SMCO2: variants seen among roughly 807,000 people sequenced by gnomAD.
SMCO2 encodes the protein single-pass membrane protein with coiled-coil domains 2.
A neutral mutation model predicts 29.5 loss-of-function variants in SMCO2; 25 were observed. That is an observed-to-expected ratio of 0.85 (90% confidence interval 0.62 to 1.18). The LOEUF (loss-of-function observed/expected upper bound fraction) is 1.18. Among genes scored for constraint, SMCO2 ranks in the 50% most tolerant of loss-of-function variants. SMCO2 has a pLI of 0.00. For missense variants in SMCO2, 348 were observed against 344.5 expected, an observed-to-expected ratio of 1.01 and a Z score of -0.08; for synonymous variants, 117 against 123.3, an observed-to-expected ratio of 0.95 and a Z score of 0.34.
intron 4 of SMCO2, among the ~76,000 whole-genome samples, chr12:27,485,859 A>G (rs1487559490): frequency 6.6e-6 from 1 of 152,176 alleles, no homozygotes; most frequent in African/African-American, 2.4e-5. Context: ...TTCTGGAGAC[A>G]TTTGTGTGTA....
At chr12:27,435,358 G>A in the SMCO2 span, among the ~76,000 whole-genome samples, 1 of 140,440 alleles carries the variant, frequency 7.1e-6, no homozygotes, top group African/African-American at 2.7e-5. Context: ...CTCTGGGAGG[G>A]TGGGGTGCAA....
At chr12:27,488,956 G>C (rs554366777) in intron 5 of SMCO2, among the ~76,000 whole-genome samples, 1 of 152,164 alleles carries the variant, frequency 6.6e-6, no homozygotes. Flanking sequence ...AAGAGTTCTT[G>C]TGTTGGTTTT....
chr12:27,467,257 A>T (rs1330316648), intron 1 of SMCO2, among the ~76,000 whole-genome samples: 1 of 152,090 alleles, frequency 6.6e-6, no homozygotes, highest in Admixed American at 6.5e-5. Context: ...TTTTTATAGG[A>T]TATGGGGGAA....
At chr12:27,428,458 C>T in the SMCO2 span, among the ~76,000 whole-genome samples, 690 of 152,168 alleles carry the variant, frequency 4.5e-3, 5 homozygotes, top group African/African-American at 0.016. Context: ...GTATGTGAGC[C>T]TCAATCTTTT....
At chr12:27,435,598 C>G in the SMCO2 span, among the ~76,000 whole-genome samples, 1 of 150,816 alleles carries the variant, frequency 6.6e-6, no homozygotes, top group African/African-American at 2.4e-5. Context: ...CTCTCTTTCT[C>G]TCTCTCACTC....
the SMCO2 span, among the ~76,000 whole-genome samples, chr12:27,426,738 T>C: frequency 6.6e-6 from 1 of 152,174 alleles, no homozygotes; most frequent in South Asian, 2.1e-4. Flanking sequence ...AATTTAAGCC[T>C]TGCAAAAGTT....
the SMCO2 span, among the ~76,000 whole-genome samples, chr12:27,438,081 T>C: frequency 3.3e-5 from 5 of 152,318 alleles, no homozygotes; most frequent in South Asian, 1.0e-3. Flanking sequence ...TCCACTGAAA[T>C]GCTTCTCTTC....
intron 3 of SMCO2, among the ~76,000 whole-genome samples, chr12:27,474,449 C>A (rs963414684): frequency 9.2e-5 from 14 of 152,082 alleles, no homozygotes; most frequent in Non-Finnish European, 1.9e-4. Context: ...GCCACCTTTT[C>A]TTTTTTATGA....
At chr12:27,475,474 A>G in intron 4 of SMCO2, 108 bp from the exon 5 acceptor site, 1 of 1,243,492 alleles carries the variant, frequency 8.0e-7, no homozygotes, top group Non-Finnish European at 1.0e-6. Flanking sequence ...TTTTGGTGAC[A>G]AGGAAGACTA....
chr12:27,432,801 G>A, the SMCO2 span, among the ~76,000 whole-genome samples: 1 of 152,098 alleles, frequency 6.6e-6, no homozygotes, highest in Non-Finnish European at 1.5e-5. Context: ...AACATGTCAC[G>A]TTGAAAAACA....
At chr12:27,437,313 A>C in the SMCO2 span, among the ~76,000 whole-genome samples, 1 of 152,150 alleles carries the variant, frequency 6.6e-6, no homozygotes, top group Non-Finnish European at 1.5e-5. Flanking sequence ...TTTGTTAATC[A>C]TCTGAGTTAG....
chr12:27,427,430 C>T, the SMCO2 span, among the ~76,000 whole-genome samples: 7 of 152,150 alleles, frequency 4.6e-5, no homozygotes, highest in East Asian at 1.9e-4. Flanking sequence ...AACAAATGGA[C>T]GTATCCACAG....
the SMCO2 span, among the ~76,000 whole-genome samples, chr12:27,445,193 G>A: frequency 6.6e-6 from 1 of 152,122 alleles, no homozygotes; most frequent in Non-Finnish European, 1.5e-5. Context: ...GCAGCGAAGG[G>A]GAGGGGAATA....
chr12:27,484,140 C>G (rs569261337), intron 4 of SMCO2, among the ~76,000 whole-genome samples: 1 of 152,208 alleles, frequency 6.6e-6, no homozygotes, highest in Admixed American at 6.5e-5. Context: ...CCTGTAATCC[C>G]AGCACTTTGG....
chr12:27,447,645 C>T, the SMCO2 span, among the ~76,000 whole-genome samples: 1 of 150,624 alleles, frequency 6.6e-6, no homozygotes, highest in African/African-American at 2.5e-5. Flanking sequence ...GTAGTCCCAA[C>T]TACTCGGGAG....
chr12:27,456,476 G>C, the SMCO2 span, among the ~76,000 whole-genome samples: 1 of 152,092 alleles, frequency 6.6e-6, no homozygotes, highest in Admixed American at 6.5e-5. Flanking sequence ...GAGGAATGGG[G>C]TCTTGCTATG....
intron 6 of SMCO2, among the ~76,000 whole-genome samples, chr12:27,494,890 C>T (rs527314205): frequency 6.6e-6 from 1 of 152,180 alleles, no homozygotes; most frequent in South Asian, 2.1e-4. Context: ...GCTCTCACCC[C>T]TGTGCTACTT....
At chr12:27,436,870 T>C in the SMCO2 span, among the ~76,000 whole-genome samples, 2 of 152,194 alleles carry the variant, frequency 1.3e-5, no homozygotes, top group Non-Finnish European at 2.9e-5. Context: ...TCTTGCCCAT[T>C]CCCTATTAAC....
At chr12:27,455,638 T>C in the SMCO2 span, among the ~76,000 whole-genome samples, 1 of 152,204 alleles carries the variant, frequency 6.6e-6, no homozygotes, top group Admixed American at 6.5e-5. Context: ...AACAAAGTCT[T>C]GTATGTGCAA....
Sources: gnomAD v4.1 joint callset for allele counts (sites outside exome capture counted in the v4.1 genomes callset) on GRCh38, gnomAD v4.1.1 for gene constraint, MANE v1.5 for transcripts, NCBI Gene and HGNC (gene_info 2026-07-23, HGNC 2026-07-21) for gene names.